The following ZNF483 variants were observed in gnomAD, a reference collection of about 807,000 sequenced individuals.
ZNF483 encodes the protein zinc finger protein 483.
Under a neutral mutation model 28.6 loss-of-function variants are expected in ZNF483, and 9 were observed. That is an observed-to-expected ratio of 0.32 (90% CI 0.19 to 0.55). ZNF483 has a LOEUF of 0.55. Ranked by LOEUF, ZNF483 falls within the 20% of genes least tolerant of loss-of-function variation. ZNF483 has a pLI of 0.93. For synonymous variants in ZNF483, 322 were observed against 306.2 expected (o/e 1.05, Z -0.54); for missense variants, 675 against 871.7 (o/e 0.77, Z 2.84).
At chr9:111,539,593 A>T in intron 5 of ZNF483, 1 of 366,084 alleles carries the variant, frequency 2.7e-6, no homozygotes, top group Non-Finnish European at 5.4e-6. Flanking sequence ...GAGAAGCCCC[A>T]TCTCTACTAA....
chr9:111,570,150 G>C (rs752265017), intron 5 of ZNF483: 3 of 1,613,920 alleles, frequency 1.9e-6, no homozygotes, highest in Non-Finnish European at 2.5e-6. Flanking sequence ...CCTTGCCAGC[G>C]GTAGACGACA....
At chr9:111,565,330 C>T (rs751812395) in intron 5 of ZNF483, among the ~76,000 whole-genome samples, 40 of 152,148 alleles carry the variant, frequency 2.6e-4, no homozygotes, top group Admixed American at 6.5e-5. Context: ...GACTTCTAGC[C>T]TCCAGAACTG....
At chr9:111,563,465 T>C in intron 5 of ZNF483, 2 of 399,150 alleles carry the variant, frequency 5.0e-6, no homozygotes, top group South Asian at 1.4e-4. Context: ...CGGATCATAG[T>C]GCGAAATGTC....
intron 5 of ZNF483, among the ~76,000 whole-genome samples, chr9:111,534,561 T>G (rs909778492): frequency 2.0e-5 from 3 of 151,964 alleles, no homozygotes; most frequent in Non-Finnish European, 2.9e-5. Context: ...CCATGTAAGA[T>G]CTTTACTGGA....
Position 111,570,020 on chromosome 9 carries a change from C to CA in ZNF483, c.722-6341dup, listed in dbSNP as rs749514357. On this transcript the variant is annotated intron_variant, in intron 5 of 5. Coordinates refer to the ZNF483 transcript ENST00000358151. The stretch of plus-strand genomic sequence containing the variant: ...CAGAGATGGGGAAGAATTGGTAGAA[C>CA]AAAAGCCTTGAGAGGCAAAGGGAGT... 1.6e-5 allele frequency: 26 copies of CA among 1,597,832 alleles called. No homozygotes were observed. The African/African-American group carries it at 3.3e-4, about 21-fold the overall frequency.
rs976205828 is a variant in ZNF483 at position 111,546,219 on chromosome 9, A to AT, written c.*3055dup. Among the ~76,000 whole-genome samples, 1 of 152,102 alleles carries AT rather than the reference A, an allele frequency of 6.6e-6. No individual in the cohort carries two copies. Among genetic ancestry groups the AT allele is most frequent in the African/African-American group, 2.4e-5 (1 of 41,436 alleles). On this transcript the variant is annotated 3_prime_UTR_variant, in exon 6 of 6. Coordinates refer to ENST00000309235, the MANE Select transcript of ZNF483 (RefSeq NM_133464.5). ...GTATCTTAGTGAAATGTTTATTCAG[A>AT]TTTTTTGTCCATTTAAAATTGGAGT...
rs528654317 is a variant in ZNF483, at chr9:111,525,207, A to T, written c.-184A>T. On this transcript the variant is annotated 5_prime_UTR_variant, in exon 1 of 6. Transcript: ENST00000309235. ...CTTGCGCGCGCACTCGCTGCGGGACAAGCTTCTGGAAGCTCTTTGCGGTGG... is the reference window on the plus strand; with the variant it reads ...CTTGCGCGCGCACTCGCTGCGGGACTAGCTTCTGGAAGCTCTTTGCGGTGG... 2 of 152,324 alleles carry T rather than the reference A, an allele frequency of 1.3e-5. No individual in the cohort carries two copies. The highest frequency in any genetic ancestry group is 4.1e-4 in the South Asian group (2 of 4,822). The allele number at this position is 152,324 out of a possible 1,614,324, so 9.4% of individuals were successfully genotyped here.
In ZNF483 at chr9:111,534,319, G is replaced by T. The variant is rs1827424746; in HGVS notation, c.687G>T (p.Trp229Cys). 2.5e-6 allele frequency: 4 copies of T among 1,614,120 alleles called. No homozygotes were observed. The highest frequency in any genetic ancestry group is 2.5e-6 in the Non-Finnish European group (3 of 1,180,018). ...AGCTAAAGTGGGTTGAATTGCCATGGCTGCTGGAAGAAGTCTCAAAAAGCT... is the reference window on the plus strand; with the variant it reads ...AGCTAAAGTGGGTTGAATTGCCATGTCTGCTGGAAGAAGTCTCAAAAAGCT... ...ISQLKWVELP[W>C]LLEEVSKSSR... The change falls in exon 5 of 6, where the codon TGG becomes TGT. Residue 229 changes from tryptophan to cysteine, a missense_variant. Transcript: ENST00000309235.
downstream of ZNF483, among the ~76,000 whole-genome samples, chr9:111,557,027 T>G (rs1041831332): frequency 6.6e-6 from 1 of 152,172 alleles, no homozygotes; most frequent in Non-Finnish European, 1.5e-5. Context: ...CCTCCAGGCC[T>G]TTGATGGAAA....
At chr9:111,559,573 C>T (rs576617566), downstream of ZNF483, among the ~76,000 whole-genome samples, 25 of 151,858 alleles carry the variant, frequency 1.6e-4, no homozygotes, top group Non-Finnish European at 2.9e-4. Context: ...CTTCTTCCTG[C>T]TCACCAGTGT....
chr9:111,541,930 A>G lies in ZNF483; in HGVS notation c.995A>G (p.Tyr332Cys). ...RVYLRKKSRR[Y>C]NESKKPFSFH... Reference sequence around the variant, plus strand: ...TACTTGAGGAAGAAATCTCGGAGGTATAATGAAAGCAAGAAACCCTTCAGT... The same window carrying G: ...TACTTGAGGAAGAAATCTCGGAGGTGTAATGAAAGCAAGAAACCCTTCAGT... Residue 332 changes from tyrosine to cysteine, a missense_variant, in exon 6 of 6, where the codon TAT (tyrosine) becomes TGT (cysteine). By Grantham distance (194) the Tyr-to-Cys change is radical. This residue lies in a region of ZNF483 where 525 missense variants were observed against 581.8 expected (regional missense o/e 0.90). Transcript: ENST00000309235. The G allele has an allele frequency of 6.2e-7, 1 of 1,614,176 alleles. No homozygotes were observed. Among genetic ancestry groups the G allele is most frequent in the Middle Eastern group, 1.7e-4 (1 of 6,060 alleles).
intron 5 of ZNF483, chr9:111,574,898 G>C: frequency 7.5e-7 from 1 of 1,335,742 alleles, no homozygotes; most frequent in South Asian, 1.2e-5. Context: ...AGATTCAGGA[G>C]AATCATTAAG....
At chr9:111,528,020 ATCTT>A in intron 2 of ZNF483, 1 of 1,456,836 alleles carries the variant, frequency 6.9e-7, no homozygotes, top group South Asian at 1.5e-5. Context: ...AAGGGATTTT[ATCTT>A]TCTTGTAGTT....
Position 111,543,723 on chromosome 9 carries a change from T to TA in ZNF483, c.*559dup. 2.1e-6 allele frequency: 2 copies of TA among 969,522 alleles called. No individual in the cohort carries two copies. The highest frequency in any genetic ancestry group is 1.8e-5 in the African/African-American group (1 of 57,064). The allele number at this position is 969,522 out of a possible 1,614,324, so 60.1% of individuals were successfully genotyped here. On this transcript the variant is annotated 3_prime_UTR_variant, in exon 6 of 6. Coordinates refer to ENST00000309235, the MANE Select transcript of ZNF483 (RefSeq NM_133464.5). ...TGTCATTACTTTCAAGTTTCTCTAGTAAAAAATACAATACCACTATTCAGG... is the reference window on the plus strand; with the variant it reads ...TGTCATTACTTTCAAGTTTCTCTAGTAAAAAAATACAATACCACTATTCAGG...
At chr9:111,565,134 A>G (rs1589292867) in intron 5 of ZNF483, among the ~76,000 whole-genome samples, 2 of 152,252 alleles carry the variant, frequency 1.3e-5, no homozygotes, top group East Asian at 3.9e-4. Context: ...CAAAAAAAAA[A>G]GTACTTAAGG....
rs919499933 is a variant in ZNF483 at position 111,547,124 on chromosome 9, A to C, written c.*3954A>C. Among the ~76,000 whole-genome samples the C allele has an allele frequency of 1.3e-5, 2 of 152,176 alleles. No individual in the cohort carries two copies. Among genetic ancestry groups the C allele is most frequent in the African/African-American group, 2.4e-5 (1 of 41,440 alleles). ...TTAAGTTGTTTGCACCATTTTGGCT[A>C]TCAAGAATAACATTGCTATAATCAG... is the stretch of plus-strand genomic sequence containing the variant. On this transcript the variant is annotated 3_prime_UTR_variant, in exon 6 of 6. Transcript: ENST00000309235.
At chr9:111,537,226 C>CTT (rs1020598781) in intron 5 of ZNF483, among the ~76,000 whole-genome samples, 1 of 143,074 alleles carries the variant, frequency 7.0e-6, no homozygotes. Context: ...CATTACGTGG[C>CTT]TTTTTTTTTT....
In ZNF483 at chr9:111,527,473, T is replaced by G; in HGVS notation, c.78T>G (p.Asn26Lys). ...EPQTLASTEQNEVPRVVTSGE... is the reference protein window; with the variant it reads ...EPQTLASTEQKEVPRVVTSGE... Reference sequence around the variant, plus strand: ...AAACTCTGGCCTCGACTGAACAAAATGAGGTCCCAAGAGTGGTTACTTCTG... The same window carrying G: ...AAACTCTGGCCTCGACTGAACAAAAGGAGGTCCCAAGAGTGGTTACTTCTG... The change falls in exon 2 of 6, where the codon AAT (asparagine) becomes AAG (lysine). Residue 26 changes from asparagine to lysine, a missense_variant. Transcript: ENST00000309235. 1 of 1,614,140 alleles carries G rather than the reference T, an allele frequency of 6.2e-7. No homozygotes were observed. The highest frequency in any genetic ancestry group is 1.1e-5 in the South Asian group (1 of 91,074).
At chr9:111,573,069 G>A (rs964352942) in intron 5 of ZNF483, among the ~76,000 whole-genome samples, 3 of 152,116 alleles carry the variant, frequency 2.0e-5, no homozygotes, top group Admixed American at 6.5e-5. Context: ...AAAATGGAAC[G>A]GACAAGGCCA....
Sources: gnomAD v4.1 joint callset for allele counts (sites outside exome capture counted in the v4.1 genomes callset) on GRCh38, gnomAD v4.1.1 for gene constraint, gnomAD v4.1.1 regional missense constraint, MANE v1.5 for transcripts, NCBI Gene and HGNC (gene_info 2026-07-23, HGNC 2026-07-21) for gene names.